The following SAMD3 variants were observed in gnomAD, a reference collection of about 807,000 sequenced individuals.
SAMD3 encodes sterile alpha motif domain-containing protein 3.
A neutral mutation model predicts 58.5 loss-of-function variants in SAMD3; 63 were observed. The ratio of observed to expected loss-of-function variants is 1.08; its 90% CI spans 0.88 to 1.33. SAMD3 has a LOEUF of 1.33. SAMD3 is among the 40% of genes most tolerant of loss of function. The pLI is 0.00. For missense variants in SAMD3, 604 were observed against 608.4 expected, an observed-to-expected ratio of 0.99 and a Z score of 0.08; for synonymous variants, 220 against 210.3, an observed-to-expected ratio of 1.05 and a Z score of -0.40.
intron 2 of SAMD3, among the ~76,000 whole-genome samples, chr6:130,266,410 T>A (rs372749457): frequency 1.3e-5 from 2 of 151,948 alleles, no homozygotes; most frequent in African/African-American, 4.8e-5. Flanking sequence ...TCAAAAAAAA[T>A]CACCCTGATA....
intron 1 of SAMD3, chr6:130,365,097 G>C (rs1016432784): frequency 2.3e-6 from 2 of 867,330 alleles, no homozygotes; most frequent in African/African-American, 3.6e-5. Context: ...CCGGTAATTA[G>C]TTTTACATGA....
intron 8 of SAMD3, among the ~76,000 whole-genome samples, chr6:130,175,105 T>C (rs1262578752): frequency 6.6e-6 from 1 of 152,214 alleles, no homozygotes; most frequent in Non-Finnish European, 1.5e-5. Flanking sequence ...TGGATCAAGA[T>C]AGAAACAGAA....
chr6:130,267,863 G>A (rs1245515266), intron 2 of SAMD3, among the ~76,000 whole-genome samples: 1 of 152,296 alleles, frequency 6.6e-6, no homozygotes, highest in East Asian at 1.9e-4. Context: ...AGTTGTGAAC[G>A]AGCTCGGCTC....
At chr6:130,263,590 A>T (rs1274013549) in intron 2 of SAMD3, among the ~76,000 whole-genome samples, 1 of 152,184 alleles carries the variant, frequency 6.6e-6, no homozygotes, top group African/African-American at 2.4e-5. Flanking sequence ...AGAAAAATTT[A>T]ACTCGTTTCA....
intron 5 of SAMD3, among the ~76,000 whole-genome samples, chr6:130,207,637 G>A (rs543038380): frequency 9.8e-5 from 15 of 152,310 alleles, no homozygotes; most frequent in African/African-American, 2.9e-4. Context: ...GCACCCATGA[G>A]TGGGAAGGAG....
intron 2 of SAMD3, among the ~76,000 whole-genome samples, chr6:130,258,860 T>G (rs1583017267): frequency 6.6e-6 from 1 of 152,324 alleles, no homozygotes; most frequent in Middle Eastern, 3.4e-3. Context: ...TCTTTAAAAT[T>G]TGGGGCAATT....
At chr6:130,339,979 T>C (rs1397976072) in intron 1 of SAMD3, among the ~76,000 whole-genome samples, 2 of 152,208 alleles carry the variant, frequency 1.3e-5, no homozygotes, top group African/African-American at 4.8e-5. Flanking sequence ...GTTATGGGAC[T>C]CTTAATATTG....
chr6:130,183,951 A>G lies in SAMD3; in HGVS notation c.654+152T>C. ...TAAAGAGACAAAGAGTCAGAAAAAC[A>G]GAAACAGATAGACCTAGATACATAG... On this transcript the variant is annotated intron_variant, in intron 7 of 11. Transcript: ENST00000439090. The G allele has an allele frequency of 4.7e-6, 3 of 633,400 alleles. No individual in the cohort carries two copies. In the South Asian group the frequency reaches 5.6e-5, roughly 12 times the overall value. The allele number at this position is 633,400 out of a possible 1,614,324, so 39.2% of individuals were successfully genotyped here. A position where few individuals can be genotyped will look rare whatever the true frequency, so the allele number is the denominator to read the frequency against.
chr6:130,296,490 G>A (rs1287793659), intron 2 of SAMD3, among the ~76,000 whole-genome samples: 1 of 152,220 alleles, frequency 6.6e-6, no homozygotes, highest in Non-Finnish European at 1.5e-5. Flanking sequence ...AGGAACAGAT[G>A]TGAAGGAATA....
intron 2 of SAMD3, among the ~76,000 whole-genome samples, chr6:130,292,479 G>T (rs1775405300): frequency 1.3e-5 from 2 of 151,460 alleles, no homozygotes; most frequent in Admixed American, 6.6e-5. Flanking sequence ...TAGACACAGG[G>T]TTTCACCCTG....
intron 1 of SAMD3, among the ~76,000 whole-genome samples, chr6:130,331,051 T>C (rs929779310): frequency 6.6e-6 from 1 of 152,214 alleles, no homozygotes; most frequent in Non-Finnish European, 1.5e-5. Context: ...ACTTAAGCCA[T>C]GACTGAATAT....
intron 8 of SAMD3, among the ~76,000 whole-genome samples, chr6:130,172,540 C>T (rs1003386986): frequency 9.9e-5 from 15 of 152,198 alleles, no homozygotes. Context: ...GGACCCCACT[C>T]TTTTCTGGCT....
chr6:130,217,532 A>T (rs1217206117), intron 1 of SAMD3, among the ~76,000 whole-genome samples: 2 of 152,238 alleles, frequency 1.3e-5, no homozygotes, highest in African/African-American at 4.8e-5. Context: ...GCTTCATTTA[A>T]CTAAAGCCAA....
At chr6:130,147,416 A>G (rs1454434776) in intron 9 of SAMD3, among the ~76,000 whole-genome samples, 3 of 152,258 alleles carry the variant, frequency 2.0e-5, no homozygotes, top group Non-Finnish European at 2.9e-5. Context: ...CTCAGCAGGA[A>G]GATGTGAAGG....
chr6:130,252,025 GTCT>G (rs925393949), intron 2 of SAMD3, among the ~76,000 whole-genome samples: 1 of 151,550 alleles, frequency 6.6e-6, no homozygotes, highest in African/African-American at 2.4e-5. Context: ...CATTATTGTT[GTCT>G]TCTTCTCTCT....
At chr6:130,269,752 T>C (rs1774493282) in intron 2 of SAMD3, among the ~76,000 whole-genome samples, 1 of 151,752 alleles carries the variant, frequency 6.6e-6, no homozygotes, top group Non-Finnish European at 1.5e-5. Context: ...TCCTTCTGCT[T>C]GCTTTGGGTT....
At chr6:130,227,394 A>G (rs1796410302), upstream of SAMD3, among the ~76,000 whole-genome samples, 1 of 152,122 alleles carries the variant, frequency 6.6e-6, no homozygotes, top group African/African-American at 2.4e-5. Context: ...GGCTTTTTCA[A>G]TCTTTTGACT....
intron 2 of SAMD3, among the ~76,000 whole-genome samples, chr6:130,308,400 A>ATTCTATTCTATTCTATTCT (rs1562513117): frequency 3.8e-4 from 52 of 137,104 alleles, no homozygotes; most frequent in African/African-American, 6.3e-4. Flanking sequence ...ATTCTATTCT[A>ATTCTATTCTATTCTATTCT]TTCTATTCTA....
chr6:130,248,390 T>C (rs1310247531), intron 2 of SAMD3, among the ~76,000 whole-genome samples: 1 of 152,188 alleles, frequency 6.6e-6, no homozygotes, highest in Non-Finnish European at 1.5e-5. Context: ...TTCTGTTCCT[T>C]GAGCATCTCA....
Sources: gnomAD v4.1 joint callset for allele counts (sites outside exome capture counted in the v4.1 genomes callset) on GRCh38, gnomAD v4.1.1 for gene constraint, MANE v1.5 for transcripts, NCBI Gene and HGNC (gene_info 2026-07-23, HGNC 2026-07-21) for gene names.